The following DLG5 variants were observed in gnomAD, a reference collection of about 807,000 sequenced individuals.
The protein encoded by DLG5 is discs large MAGUK scaffold protein 5, also known as disks large homolog 5.
A neutral mutation model predicts 189.8 loss-of-function variants in DLG5; 48 were observed. That is an observed-to-expected ratio of 0.25 (90% CI 0.20 to 0.32). The LOEUF is 0.32. Ranked by LOEUF, DLG5 falls within the 10% of genes least tolerant of loss-of-function variation. DLG5 has a pLI of 1.00. For synonymous variants in DLG5, 1,016 were observed against 1,054.1 expected, an observed-to-expected ratio of 0.96 and a Z score of 0.70; for missense variants, 2,160 against 2,544.7, an observed-to-expected ratio of 0.85 and a Z score of 3.25.
chr10:77,806,012 C>T lies in DLG5; in HGVS notation c.4968-151G>A, dbSNP rs370462253. Reference sequence around the variant, plus strand: ...TCTCAAGGCTACATCTCCTCCCACGCCCCTGGGAACCCTCGGTACATGCTG... The same window carrying T: ...TCTCAAGGCTACATCTCCTCCCACGTCCCTGGGAACCCTCGGTACATGCTG... On this transcript the variant is annotated intron_variant, in intron 26 of 31. Coordinates refer to ENST00000372391, the MANE Select transcript of DLG5 (RefSeq NM_004747.4). 108 of 695,604 alleles carry T rather than the reference C, an allele frequency of 1.6e-4. 2 individuals are homozygous for T. In the South Asian group the frequency reaches 2.1e-3, roughly 13 times the overall value. 43.1% of individuals were successfully genotyped at this position (695,604 alleles called of 1,614,324 possible).
rs755502992 is a variant in DLG5 at position 77,806,934 on chromosome 10, C to T, written c.4797-6G>A. On this transcript the variant is annotated splice_polypyrimidine_tract_variant and splice_region_variant and intron_variant, in intron 25 of 31. Coordinates refer to ENST00000372391, the MANE Select transcript of DLG5 (RefSeq NM_004747.4). ...CCAGCCGGTCGTACAGGGCCCTGGA[C>T]CACAGCACAGAAGGAACACGATCAG... 6.2e-7 allele frequency: 1 copy of T among 1,608,954 alleles called. No homozygotes were observed. The highest frequency in any genetic ancestry group is 8.5e-7 in the Non-Finnish European group (1 of 1,175,578).
chr10:77,852,257 G>C (rs911875416), intron 5 of DLG5, among the ~76,000 whole-genome samples: 1 of 152,046 alleles, frequency 6.6e-6, no homozygotes, highest in Non-Finnish European at 1.5e-5. Flanking sequence ...TGTAGTCCCA[G>C]CTACTAAGGA....
At chr10:77,919,162 G>A (rs1241248837) in intron 1 of DLG5, among the ~76,000 whole-genome samples, 1 of 152,030 alleles carries the variant, frequency 6.6e-6, no homozygotes, top group Non-Finnish European at 1.5e-5. Context: ...GGTGCAGTAA[G>A]CTGAGATTGC....
At chr10:77,830,422 C>A in intron 10 of DLG5, 78 bp from the exon 11 acceptor site, 1 of 1,595,560 alleles carries the variant, frequency 6.3e-7, no homozygotes, top group East Asian at 2.2e-5. Context: ...CCGAAGCTGC[C>A]CACTCCAATG....
At chr10:77,885,398 G>A (rs570120688) in intron 1 of DLG5, among the ~76,000 whole-genome samples, 24 of 152,326 alleles carry the variant, frequency 1.6e-4, no homozygotes, top group African/African-American at 5.5e-4. Flanking sequence ...TGCATAAAGG[G>A]ATGTAGATTA....
chr10:77,860,272 A>T (rs1345884133), intron 2 of DLG5, among the ~76,000 whole-genome samples: 2 of 152,174 alleles, frequency 1.3e-5, no homozygotes, highest in East Asian at 3.9e-4. Flanking sequence ...ACACAATGCA[A>T]GCCTGGCAGG....
intron 25 of DLG5, 40 bp downstream of exon 25, chr10:77,807,756 C>T: frequency 6.2e-7 from 1 of 1,602,854 alleles, no homozygotes. Flanking sequence ...AGCCTCTCCT[C>T]TGGTTCCAAA....
At chr10:77,837,196 C>G (rs1202563895) in intron 7 of DLG5, among the ~76,000 whole-genome samples, 1 of 101,478 alleles carries the variant, frequency 9.9e-6, no homozygotes, top group Non-Finnish European at 1.8e-5. Context: ...GCCTGGACAA[C>G]AGAGGGAGAC....
intron 8 of DLG5, among the ~76,000 whole-genome samples, chr10:77,835,444 AG>A (rs1183333988): frequency 1.3e-5 from 2 of 152,336 alleles, no homozygotes; most frequent in East Asian, 3.9e-4. Context: ...TCTTCTCATC[AG>A]AAACCCTCAA....
chr10:77,857,480 C>T (rs1476536934), intron 2 of DLG5, among the ~76,000 whole-genome samples: 1 of 152,218 alleles, frequency 6.6e-6, no homozygotes, highest in East Asian at 1.9e-4. Flanking sequence ...CCAGCCCAGG[C>T]GTGCAGGCTA....
intron 1 of DLG5, among the ~76,000 whole-genome samples, chr10:77,908,330 A>G (rs1326132101): frequency 6.6e-6 from 1 of 152,156 alleles, no homozygotes; most frequent in African/African-American, 2.4e-5. Context: ...AAGGCCAGCC[A>G]GTCTACATCC....
At chr10:77,816,400 T>C in intron 20 of DLG5, 151 bp downstream of exon 20, 1 of 1,202,854 alleles carries the variant, frequency 8.3e-7, no homozygotes, top group Non-Finnish European at 1.2e-6. Flanking sequence ...CAGTGCCCCA[T>C]GGCACTTACT....
rs571420418 is a variant in DLG5, at chr10:77,830,983, C to T, written c.1749-110G>A. On this transcript the variant is annotated intron_variant, in intron 9 of 31. Coordinates refer to ENST00000372391, the MANE Select transcript of DLG5 (RefSeq NM_004747.4). ...CCATTTGAAACAGCTAAAATGGGTT[C>T]CTTTCCCCCTTGTTTCCCAATAACT... 10 of 1,286,024 alleles carry T rather than the reference C, an allele frequency of 7.8e-6. No individual in the cohort carries two copies. The South Asian group carries it at 1.1e-4, about 14-fold the overall frequency. 79.7% of individuals were successfully genotyped at this position (1,286,024 alleles called of 1,614,324 possible). A position where few individuals can be genotyped will look rare whatever the true frequency, so the allele number is the denominator to read the frequency against.
intron 1 of DLG5, among the ~76,000 whole-genome samples, chr10:77,911,746 A>G (rs960467162): frequency 6.6e-6 from 1 of 152,168 alleles, no homozygotes; most frequent in African/African-American, 2.4e-5. Context: ...GCTCTGAGTC[A>G]GAGATGGCCA....
At chr10:77,915,431 C>T (rs1343677853) in intron 1 of DLG5, among the ~76,000 whole-genome samples, 13 of 152,112 alleles carry the variant, frequency 8.5e-5, no homozygotes, top group Non-Finnish European at 1.6e-4. Context: ...CAGTTTCACA[C>T]ATTAATGTTT....
At chr10:77,907,304 C>T (rs1168028772) in intron 1 of DLG5, among the ~76,000 whole-genome samples, 6 of 152,176 alleles carry the variant, frequency 3.9e-5, no homozygotes, top group Admixed American at 1.3e-4. Context: ...ACTGGGCCGG[C>T]GCGGTGACTC....
At chr10:77,918,609 G>A (rs902127465) in intron 1 of DLG5, among the ~76,000 whole-genome samples, 2 of 152,066 alleles carry the variant, frequency 1.3e-5, no homozygotes, top group Admixed American at 1.3e-4. Context: ...GGTTTAAAAT[G>A]TTTCTGTAGC....
At chr10:77,862,229 G>A (rs1198797935) in intron 2 of DLG5, among the ~76,000 whole-genome samples, 1 of 151,960 alleles carries the variant, frequency 6.6e-6, no homozygotes, top group African/African-American at 2.4e-5. Context: ...CTACTTCCCA[G>A]CAGAGCCCAT....
chr10:77,902,325 G>A (rs188101929), intron 1 of DLG5, among the ~76,000 whole-genome samples: 2 of 152,346 alleles, frequency 1.3e-5, no homozygotes, highest in Non-Finnish European at 2.9e-5. Context: ...CGTGAACCCA[G>A]GACTGCTGTT....
Sources: allele counts gnomAD v4.1 joint callset (sites outside exome capture counted in the v4.1 genomes callset), GRCh38; gene constraint gnomAD v4.1.1; transcripts MANE v1.5; gene names NCBI Gene and HGNC (gene_info 2026-07-23, HGNC 2026-07-21).